SEC31B: variants seen among roughly 807,000 people sequenced by gnomAD.
The protein encoded by SEC31B is protein transport protein Sec31B.
In SEC31B, 113 loss-of-function variants were observed where a neutral mutation model predicts 135.0. The ratio of observed to expected loss-of-function variants is 0.84; its 90% CI spans 0.72 to 0.98. The LOEUF is 0.98. Among genes scored for constraint, SEC31B ranks in the 50% least tolerant of loss-of-function variants. SEC31B has a pLI of 0.00. For synonymous variants in SEC31B, 508 were observed against 549.4 expected (o/e 0.92, Z 1.05); for missense variants, 1,296 against 1,421.1 (o/e 0.91, Z 1.42).
intron 1 of SEC31B, 45 bp from the exon 2 acceptor site, chr10:100,517,042 A>G: frequency 2.1e-6 from 2 of 931,880 alleles, no homozygotes; most frequent in South Asian, 1.4e-5. Context: ...TCCAGGGAGC[A>G]TCTGCGGACA....
At chr10:100,508,339 C>CA (rs1327986402) in intron 5 of SEC31B, 58 of 535,810 alleles carry the variant, frequency 1.1e-4, no homozygotes, top group Non-Finnish European at 1.1e-4. Flanking sequence ...TTGTCTAGGA[C>CA]AAAAAAAGAG....
At chr10:100,489,073 C>G in intron 23 of SEC31B, 99 bp from the exon 24 acceptor site, 1 of 1,506,084 alleles carries the variant, frequency 6.6e-7, no homozygotes, top group Non-Finnish European at 8.9e-7. Flanking sequence ...TCACACTGTT[C>G]CCATTACAGC....
chr10:100,506,076 C>T lies in SEC31B; in HGVS notation c.1008G>A (p.Arg336=), dbSNP rs1328924211. The T allele has an allele frequency of 1.2e-6, 2 of 1,614,148 alleles. No individual in the cohort carries two copies. Among genetic ancestry groups the T allele is most frequent in the Non-Finnish European group, 8.5e-7 (1 of 1,180,024 alleles). ...GWISLYSVMG[R]SWEVQHMRQA... ...GTCTCATATGCTGGACTTCCCAGCT[C>T]CTACCCATCACAGAGTACAAACTGA... Residue 336 remains arginine, a synonymous_variant, in exon 9 of 26, where the codon AGG becomes AGA. Coordinates refer to ENST00000370345, the MANE Select transcript of SEC31B (RefSeq NM_015490.4).
chr10:100,518,150 G>C (rs773994157), intron 1 of SEC31B, among the ~76,000 whole-genome samples: 14 of 152,166 alleles, frequency 9.2e-5, no homozygotes, highest in Admixed American at 5.9e-4. Context: ...ATCACACACA[G>C]AATAAAATTC....
intron 18 of SEC31B, 55 bp downstream of exon 18, chr10:100,496,203 T>A: frequency 6.3e-7 from 1 of 1,581,946 alleles, no homozygotes; most frequent in South Asian, 1.1e-5. Flanking sequence ...AAGTGCTCAA[T>A]CAATGTTAGA....
chr10:100,499,507 T>A lies in SEC31B; in HGVS notation c.1485+17A>T, dbSNP rs375465412. 6.3e-7 allele frequency: 1 copy of A among 1,585,142 alleles called. No individual in the cohort carries two copies. The highest frequency in any genetic ancestry group is 1.4e-5 in the African/African-American group (1 of 73,758). ...CTCTTCAACAAGTACATGTTTCTGATGTGAAAAGCAGCTTACCTTCTTCTG... is the reference window on the plus strand; with the variant it reads ...CTCTTCAACAAGTACATGTTTCTGAAGTGAAAAGCAGCTTACCTTCTTCTG... On this transcript the variant is annotated intron_variant, in intron 12 of 25. Coordinates refer to ENST00000370345, the MANE Select transcript of SEC31B (RefSeq NM_015490.4).
At chr10:100,508,076 A>G in intron 5 of SEC31B, 25 bp from the exon 6 acceptor site, 1 of 1,613,518 alleles carries the variant, frequency 6.2e-7, no homozygotes, top group Non-Finnish European at 8.5e-7. Flanking sequence ...GGACAGAAAG[A>G]TGACAACTTG....
intron 2 of SEC31B, 50 bp from the exon 3 acceptor site, chr10:100,516,269 C>T: frequency 6.3e-7 from 1 of 1,599,736 alleles, no homozygotes; most frequent in Non-Finnish European, 8.5e-7. Context: ...GCATGGATTT[C>T]AGGTATAAGA....
intron 1 of SEC31B, among the ~76,000 whole-genome samples, chr10:100,519,424 G>A (rs1404843997): frequency 3.3e-5 from 5 of 152,276 alleles, no homozygotes; most frequent in African/African-American, 1.2e-4. Flanking sequence ...CCGAAGCGCG[G>A]CGCGCCAGGG....
rs1851893076 is a variant in SEC31B, at chr10:100,518,752, C to G, written c.-46+1030G>C. Among the ~76,000 whole-genome samples, 3 of 152,230 alleles carry G rather than the reference C, an allele frequency of 2.0e-5. No individual in the cohort carries two copies. In the South Asian group the frequency reaches 6.2e-4, roughly 31 times the overall value. Reference sequence around the variant, plus strand: ...CTGCTTGAGTAAGCTATAGTCAGATCAGTCTCACCTACAAAAACAGGAGAT... The same window carrying G: ...CTGCTTGAGTAAGCTATAGTCAGATGAGTCTCACCTACAAAAACAGGAGAT... On this transcript the variant is annotated intron_variant, in intron 1 of 25. Transcript: ENST00000370345.
chr10:100,516,363 G>C, intron 2 of SEC31B, 144 bp from the exon 3 acceptor site: 1 of 1,025,662 alleles, frequency 9.7e-7, no homozygotes, highest in Middle Eastern at 3.0e-4. Context: ...GCAAGAAAAC[G>C]TTGGCTGGGC....
rs1589733353 is a variant in SEC31B, at chr10:100,497,170, T to C, written c.2101A>G (p.Lys701Glu). ...SVERLVECWAKCHQALSPMAL... is the reference protein window; with the variant it reads ...SVERLVECWAECHQALSPMAL... ...ATGGGGGACAAAGCCTGGTGGCATT[T>C]TGCCCAGCACTCCACCAGCCGCTCC... The change falls in exon 17 of 26, where the codon AAA becomes GAA. Residue 701 changes from lysine (K) to glutamate (E), a missense_variant. By Grantham distance (56) the Lys-to-Glu change is moderately conservative. Transcript: ENST00000370345. 1.2e-6 allele frequency: 2 copies of C among 1,614,190 alleles called. No individual in the cohort carries two copies. The highest frequency in any genetic ancestry group is 4.5e-5 in the East Asian group (2 of 44,876).
At chr10:100,507,788 G>T in intron 6 of SEC31B, 120 bp downstream of exon 6, 1 of 1,416,706 alleles carries the variant, frequency 7.1e-7, no homozygotes, top group Non-Finnish European at 9.8e-7. Context: ...GTGCTAAGCG[G>T]CTGACTCCAC....
chr10:100,490,098 C>A lies in SEC31B; in HGVS notation c.2875G>T (p.Ala959Ser), dbSNP rs912519874. Reference protein sequence around the residue: ...RMVSHTPAPPASFPVPYLPGD... With the variant: ...RMVSHTPAPPSSFPVPYLPGD... ...GGAAGGTATGGCACAGGGAAGCTTG[C>A]AGGAGGGGCTGGGGTGTGGGAGACC... The change falls in exon 21 of 26, where the codon GCA (alanine) becomes TCA (serine). Residue 959 changes from alanine (A) to serine (S), a missense_variant. Ala to Ser is a moderately conservative substitution (Grantham distance 99). Coordinates refer to ENST00000370345, the MANE Select transcript of SEC31B (RefSeq NM_015490.4). 1 of 1,578,830 alleles carries A rather than the reference C, an allele frequency of 6.3e-7. No individual in the cohort carries two copies. Among genetic ancestry groups the A allele is most frequent in the Admixed American group, 1.9e-5 (1 of 54,050 alleles).
intron 19 of SEC31B, among the ~76,000 whole-genome samples, chr10:100,491,359 C>T (rs1564648283): frequency 6.6e-6 from 1 of 152,190 alleles, no homozygotes; most frequent in Non-Finnish European, 1.5e-5. Flanking sequence ...TATGTAATCT[C>T]TTCCAGAAAA....
At position 100,505,485 on chromosome 10, in the gene SEC31B, G is replaced by A; in HGVS notation, c.1055C>T (p.Ser352Phe). 1 of 1,546,624 alleles carries A rather than the reference G, an allele frequency of 6.5e-7. No homozygotes were observed. The highest frequency in any genetic ancestry group is 8.7e-7 in the Non-Finnish European group (1 of 1,151,042). Reference sequence around the variant, plus strand: ...TGGGAGAGGCTGGCCTTTGCTGAAGGAAGAGGAGATCTGGGGGGAAAAGAC... The same window carrying A: ...TGGGAGAGGCTGGCCTTTGCTGAAGAAAGAGGAGATCTGGGGGGAAAAGAC... ...HMRQADKISS[S>F]FSKGQPLPPL... The change falls in exon 10 of 26, where the codon TCC becomes TTC. Residue 352 changes from serine to phenylalanine, a missense_variant. Transcript: ENST00000370345.
In SEC31B at chr10:100,487,691, G is replaced by C. The variant is rs532079426; in HGVS notation, c.3465C>G (p.Ser1155Arg). ...LAVHAQVAGC[S>R]SFSEVSSFMP... is the part of the protein sequence containing the mutation. ...TGAAGCTGGACACCTCGCTGAAGCT[G>C]CTACAGCCCGCCACCTGGGCATGCA... is the stretch of plus-strand genomic sequence containing the variant. Residue 1155 changes from serine (S) to arginine (R), a missense_variant, in exon 26 of 26, where the codon AGC becomes AGG. Coordinates refer to ENST00000370345, the MANE Select transcript of SEC31B (RefSeq NM_015490.4). The C allele has an allele frequency of 5.2e-5, 84 of 1,613,878 alleles. 3 individuals are homozygous for C. The South Asian group carries it at 8.8e-4, about 17-fold the overall frequency.
Position 100,499,191 on chromosome 10 carries a change from T to C in SEC31B, c.1553A>G (p.Asn518Ser). The C allele has an allele frequency of 2.5e-6, 4 of 1,614,110 alleles. No homozygotes were observed. Among genetic ancestry groups the C allele is most frequent in the Non-Finnish European group, 3.4e-6 (4 of 1,180,006 alleles). Residue 518 changes from asparagine to serine, a missense_variant, in exon 13 of 26, where the codon AAC (asparagine) becomes AGC (serine). Asn to Ser is a conservative substitution (Grantham distance 46, BLOSUM62 1). Coordinates refer to ENST00000370345, the MANE Select transcript of SEC31B (RefSeq NM_015490.4). The part of the protein sequence containing the change: ...ESPQPKGNDL[N>S]SDRQQAFCSQ... Reference sequence around the variant, plus strand: ...GCAGAAGGCCTGTTGTCTGTCACTGTTGAGGTCATTTCCCTTGGGCTGAGG... The same window carrying C: ...GCAGAAGGCCTGTTGTCTGTCACTGCTGAGGTCATTTCCCTTGGGCTGAGG...
rs553465070 is a variant in SEC31B, at chr10:100,488,888, G to A, written c.3258C>T (p.Leu1086=). 1.9e-6 allele frequency: 3 copies of A among 1,607,686 alleles called. No homozygotes were observed. The highest frequency in any genetic ancestry group is 2.2e-5 in the South Asian group (2 of 90,104). Residue 1086 remains leucine, a synonymous_variant, in exon 24 of 26, where the codon CTC becomes CTT. Coordinates refer to ENST00000370345, the MANE Select transcript of SEC31B (RefSeq NM_015490.4). ...QSLKSSFEAL[L]QRCSLSATDL... is the part of the protein sequence containing the mutation. The stretch of plus-strand genomic sequence containing the variant: ...CAGTTGCAGACAGGGAGCAGCGTTG[G>A]AGAAGCGCCTCAAAGCTGCTCTTCA...
Sources: gnomAD v4.1 joint callset for allele counts (sites outside exome capture counted in the v4.1 genomes callset) on GRCh38, gnomAD v4.1.1 for gene constraint, MANE v1.5 for transcripts, NCBI Gene and HGNC (gene_info 2026-07-23, HGNC 2026-07-21) for gene names.